LIPA: variants seen among roughly 807,000 people sequenced by gnomAD.
LIPA encodes lysosomal acid lipase/cholesteryl ester hydrolase.
Under a neutral mutation model 40.6 loss-of-function variants are expected in LIPA, and 26 were observed. The ratio of observed to expected loss-of-function variants is 0.64; its 90% CI spans 0.47 to 0.89. The LOEUF (loss-of-function observed/expected upper bound fraction) is 0.89, where lower values mean the gene tolerates loss of function less well. Among genes scored for constraint, LIPA ranks in the 40% least tolerant of loss-of-function variants. LIPA has a pLI of 0.00. For synonymous variants in LIPA, 188 were observed against 168.4 expected, an observed-to-expected ratio of 1.12 and a Z score of -0.90; for missense variants, 455 against 479.6, an observed-to-expected ratio of 0.95 and a Z score of 0.48.
At chr10:89,259,619 A>G (rs138792439) in intron 1 of LIPA, among the ~76,000 whole-genome samples, 1 of 152,228 alleles carries the variant, frequency 6.6e-6, no homozygotes, top group Non-Finnish European at 1.5e-5. Flanking sequence ...ATAGCCATAA[A>G]CTGGAAACAA....
At chr10:89,347,167 G>T (rs530990659), upstream of LIPA, among the ~76,000 whole-genome samples, 21 of 152,320 alleles carry the variant, frequency 1.4e-4, no homozygotes, top group African/African-American at 5.1e-4. Context: ...AGTGCATGGG[G>T]CCAAGTCCAA....
chr10:89,387,461 A>C (rs1288266785), intron 2 of LIPA, among the ~76,000 whole-genome samples: 1 of 152,216 alleles, frequency 6.6e-6, no homozygotes, highest in East Asian at 1.9e-4. Flanking sequence ...TACATGCAAT[A>C]TGGGCCAGCG....
intron 2 of LIPA, among the ~76,000 whole-genome samples, chr10:89,361,851 A>G (rs1844023472): frequency 6.8e-6 from 1 of 147,230 alleles, no homozygotes; most frequent in Admixed American, 6.8e-5. Flanking sequence ...GGAAAAAAAA[A>G]TCCACCCCCC....
intron 2 of LIPA, among the ~76,000 whole-genome samples, chr10:89,377,823 C>G (rs1370712456): frequency 6.6e-6 from 1 of 152,140 alleles, no homozygotes; most frequent in Non-Finnish European, 1.5e-5. Flanking sequence ...GTCCAGTTAC[C>G]CTCTATCTCC....
chr10:89,332,004 G>A (rs536024650), intron 1 of LIPA, among the ~76,000 whole-genome samples: 41 of 152,226 alleles, frequency 2.7e-4, no homozygotes, highest in African/African-American at 6.3e-4. Flanking sequence ...AGGCCAAGGC[G>A]GGCAGATCAT....
intron 2 of LIPA, chr10:89,362,225 T>C (rs1422588374): frequency 6.6e-6 from 1 of 152,176 alleles, no homozygotes; most frequent in African/African-American, 2.4e-5. Flanking sequence ...TTTCTACCTA[T>C]CTTTTCATTA....
chr10:89,218,156 G>T (rs1380853945), intron 8 of LIPA, among the ~76,000 whole-genome samples: 3 of 152,058 alleles, frequency 2.0e-5, no homozygotes, highest in African/African-American at 7.2e-5. Flanking sequence ...ATTATATTTA[G>T]GTCTTGAATG....
At chr10:89,318,932 T>A (rs1426901348) in intron 1 of LIPA, among the ~76,000 whole-genome samples, 2 of 152,130 alleles carry the variant, frequency 1.3e-5, no homozygotes, top group Non-Finnish European at 2.9e-5. Context: ...CTCAACTACA[T>A]GGAAACTGAA....
In LIPA at chr10:89,406,442, G is replaced by A. The variant is rs548582516; in HGVS notation, c.61+6349C>T. 2.0e-5 allele frequency: 3 copies of A among 152,380 alleles called. No homozygotes were observed. The East Asian group carries it at 5.8e-4, about 29-fold the overall frequency. The allele number at this position is 152,380 out of a possible 1,614,324, so 9.4% of individuals were successfully genotyped here. A position where few individuals can be genotyped will look rare whatever the true frequency, so the allele number is the denominator to read the frequency against. The stretch of plus-strand genomic sequence containing the variant: ...CCGCTCGGGTCCCCTTCCATGCTGT[G>A]GAAGTTTTGTTCTTTCGCTCTTTCA... On this transcript the variant is annotated intron_variant, in intron 2 of 8. Coordinates refer to the LIPA transcript ENST00000371837.
chr10:89,240,505 C>T (rs1049341996), intron 3 of LIPA, among the ~76,000 whole-genome samples: 1 of 152,124 alleles, frequency 6.6e-6, no homozygotes, highest in Non-Finnish European at 1.5e-5. Flanking sequence ...AATTGTATCA[C>T]CTGCACTTAC....
chr10:89,281,384 G>C (rs1364567523), intron 1 of LIPA, among the ~76,000 whole-genome samples: 4 of 151,986 alleles, frequency 2.6e-5, no homozygotes, highest in Non-Finnish European at 5.9e-5. Context: ...ATCCACACTT[G>C]TTGTATTCAG....
intron 2 of LIPA, among the ~76,000 whole-genome samples, chr10:89,408,941 C>G (rs181017665): frequency 6.6e-6 from 1 of 152,104 alleles, no homozygotes; most frequent in Non-Finnish European, 1.5e-5. Flanking sequence ...GGACTGGAGT[C>G]GTAAACATCT....
At chr10:89,272,681 C>G (rs545937302) in intron 1 of LIPA, among the ~76,000 whole-genome samples, 2 of 152,304 alleles carry the variant, frequency 1.3e-5, no homozygotes, top group African/African-American at 4.8e-5. Flanking sequence ...CACTGTCTTC[C>G]ACAATGGCTG....
At chr10:89,339,534 G>A (rs774998443) in intron 1 of LIPA, 4 of 1,614,098 alleles carry the variant, frequency 2.5e-6, no homozygotes, top group Non-Finnish European at 3.4e-6. Flanking sequence ...GACAAATGCA[G>A]AATACAGGAG....
chr10:89,334,775 GC>G lies in LIPA; in HGVS notation c.-2+7835del, dbSNP rs919062784. Among the ~76,000 whole-genome samples, 116 of 152,052 alleles carry G rather than the reference GC, an allele frequency of 7.6e-4. 1 individual carries two copies. The highest frequency in any genetic ancestry group is 2.7e-3 in the African/African-American group (113 of 41,502). On this transcript the variant is annotated intron_variant, in intron 1 of 5. Coordinates refer to the LIPA transcript ENST00000282673. Reference sequence around the variant, plus strand: ...CAAAATGCTGGGATTACAGGTGTGAGCCACCGCGCCCGGCCACCTAGCTGTT... The same window carrying G: ...CAAAATGCTGGGATTACAGGTGTGAGCACCGCGCCCGGCCACCTAGCTGTT...
chr10:89,261,035 T>A (rs561153900), intron 1 of LIPA, among the ~76,000 whole-genome samples: 1 of 152,358 alleles, frequency 6.6e-6, no homozygotes, highest in South Asian at 2.1e-4. Flanking sequence ...TAAGGGTCTT[T>A]AATTTCCAGC....
At chr10:89,391,181 G>A (rs1271419480) in intron 2 of LIPA, among the ~76,000 whole-genome samples, 3 of 152,150 alleles carry the variant, frequency 2.0e-5, no homozygotes, top group East Asian at 1.9e-4. Flanking sequence ...AGACAAAGTA[G>A]GTAGGTTTTT....
chr10:89,406,896 T>A (rs570405371), intron 2 of LIPA, among the ~76,000 whole-genome samples: 2 of 152,278 alleles, frequency 1.3e-5, no homozygotes, highest in African/African-American at 4.8e-5. Flanking sequence ...GTGAGTACCA[T>A]CGGACCCCTT....
At chr10:89,346,791 G>T (rs545942171), upstream of LIPA, among the ~76,000 whole-genome samples, 4 of 152,338 alleles carry the variant, frequency 2.6e-5, no homozygotes, top group African/African-American at 7.2e-5. Flanking sequence ...GCCCAAGAAT[G>T]ATGCAACATC....
Sources: gnomAD v4.1 joint callset for allele counts (sites outside exome capture counted in the v4.1 genomes callset) on GRCh38, gnomAD v4.1.1 for gene constraint, MANE v1.5 for transcripts, NCBI Gene and HGNC (gene_info 2026-07-23, HGNC 2026-07-21) for gene names.